Variants in ADD1 observed in about 807,000 individuals in gnomAD.
The protein encoded by ADD1 is adducin 1, also known as alpha-adducin.
ADD1 carries 24 observed loss-of-function variants against 80.5 expected under a neutral mutation model. That is an observed-to-expected ratio of 0.30 (90% CI 0.22 to 0.42). The LOEUF is 0.42. Ranked by LOEUF, ADD1 falls within the 10% of genes least tolerant of loss-of-function variation. ADD1 has a pLI of 1.00. For synonymous variants in ADD1, 373 were observed against 393.8 expected (o/e 0.95, Z 0.63); for missense variants, 948 against 1,019.0 (o/e 0.93, Z 0.95).
chr4:2,903,531 C>A (rs965149662), intron 9 of ADD1, among the ~76,000 whole-genome samples: 4 of 152,210 alleles, frequency 2.6e-5, no homozygotes, highest in African/African-American at 9.7e-5. Flanking sequence ...CTCTTCTAGA[C>A]TGGGGACAGA....
rs1736826711 is a variant in ADD1, at chr4:2,905,092, G to T, written c.1490G>T (p.Cys497Phe). The T allele has an allele frequency of 6.2e-7, 1 of 1,614,086 alleles. No homozygotes were observed. Among genetic ancestry groups the T allele is most frequent in the Admixed American group, 1.7e-5 (1 of 60,004 alleles). ...TCGTCCGGTGTCTGCGTGCCAAGCT[G>T]TATTACCAACTGCTTGGTCTGTGCC... ...SLSSGVCVPS[C>F]ITNCLWTKED... The change falls in exon 10 of 16, where the codon TGT becomes TTT. Residue 497 changes from cysteine to phenylalanine, a missense_variant. By Grantham distance (205) the Cys-to-Phe change is radical (BLOSUM62 -2). Coordinates refer to ENST00000683351, the MANE Select transcript of ADD1 (RefSeq NM_001354761.2).
Position 2,882,000 on chromosome 4 carries a change from A to C in ADD1, c.298A>C (p.Thr100Pro). Residue 100 changes from threonine to proline, a missense_variant, in exon 3 of 16, where the codon ACG (threonine) becomes CCG (proline). Physicochemically the swap from Thr to Pro is conservative, Grantham distance 38. Transcript: ENST00000683351. ...ACAGCAGATTGCAGATTTTATGACC[A>C]CGAATGTACCAAATGTCTACCCAGC... ...ALQQIADFMT[T>P]NVPNVYPAAP... 1 of 1,613,420 alleles carries C rather than the reference A, an allele frequency of 6.2e-7. No homozygotes were observed. Among genetic ancestry groups the C allele is most frequent in the Non-Finnish European group, 8.5e-7 (1 of 1,179,852 alleles).
chr4:2,909,241 CCCTGCTG>C (rs749914443), intron 12 of ADD1, 91 bp from the exon 13 acceptor site: 38 of 1,007,012 alleles, frequency 3.8e-5, no homozygotes, highest in Non-Finnish European at 5.6e-5. Flanking sequence ...TGACAGCTGT[CCCTGCTG>C]CATGCTCTTA....
intron 1 of ADD1, among the ~76,000 whole-genome samples, chr4:2,873,734 C>T (rs924925554): frequency 4.6e-5 from 7 of 152,090 alleles, no homozygotes; most frequent in South Asian, 2.1e-4. Flanking sequence ...TTTTGAAACA[C>T]GAAGCAGAAC....
At position 2,899,419 on chromosome 4, in the gene ADD1, G is replaced by A. The variant is rs978484444; in HGVS notation, c.1145G>A (p.Arg382Gln). The A allele has an allele frequency of 1.9e-6, 3 of 1,614,144 alleles. No homozygotes were observed. Among genetic ancestry groups the A allele is most frequent in the Non-Finnish European group, 1.7e-6 (2 of 1,180,030 alleles). ...GAGCAGGAATTTGAAGCCCTCATGC[G>A]GATGCTCGATAATCTGGTAAGAATG... ...IGEQEFEALMRMLDNLGYRTG... is the reference protein window; with the variant it reads ...IGEQEFEALMQMLDNLGYRTG... Residue 382 changes from arginine (R) to glutamine (Q), a missense_variant, in exon 9 of 16, where the codon CGG becomes CAG. Coordinates refer to ENST00000683351, the MANE Select transcript of ADD1 (RefSeq NM_001354761.2).
intron 1 of ADD1, among the ~76,000 whole-genome samples, chr4:2,852,178 C>CTTTCTTTCTTTCTTTCTT (rs1727237898): frequency 1.7e-5 from 1 of 58,594 alleles, no homozygotes; most frequent in African/African-American, 7.6e-5. Flanking sequence ...TTCTTTCTTT[C>CTTTCTTTCTTTCTTTCTT]TTTCTTTCTT....
At chr4:2,858,287 A>T (rs1282600929) in intron 1 of ADD1, among the ~76,000 whole-genome samples, 5 of 152,252 alleles carry the variant, frequency 3.3e-5, no homozygotes. Context: ...GATAGCTACC[A>T]CTTACTGTTT....
rs140452567 is a variant in ADD1 at position 2,912,528 on chromosome 4, G to T, written c.1792-2356G>T. Among the ~76,000 whole-genome samples, 92 of 148,112 alleles carry T rather than the reference G, an allele frequency of 6.2e-4. 1 individual carries two copies. The highest frequency in any genetic ancestry group is 1.8e-3 in the African/African-American group (71 of 39,554). On this transcript the variant is annotated intron_variant, in intron 13 of 15. Transcript: ENST00000683351. ...TCTCTGTGCCAATGGATTTTTATTT[G>T]TATTTTTATTTTTATTTTGAGACAG... is the stretch of plus-strand genomic sequence containing the variant.
intron 2 of ADD1, among the ~76,000 whole-genome samples, chr4:2,878,795 A>G (rs1322014270): frequency 6.6e-6 from 1 of 152,134 alleles, no homozygotes; most frequent in African/African-American, 2.4e-5. Context: ...ATGGTTTGGT[A>G]GAGTTGGAGA....
At chr4:2,914,839 C>A in intron 13 of ADD1, 45 bp from the exon 14 acceptor site, 1 of 1,544,450 alleles carries the variant, frequency 6.5e-7, no homozygotes, top group Non-Finnish European at 8.7e-7. Context: ...GGAGAGTCCC[C>A]ATCGGGCCGG....
At position 2,898,849 on chromosome 4, in the gene ADD1, C is replaced by T. The variant is rs1006515944; in HGVS notation, c.984+318C>T. The T allele has an allele frequency of 6.0e-5, 24 of 400,440 alleles. No individual in the cohort carries two copies. In the Admixed American group the frequency reaches 8.0e-4, roughly 13 times the overall value. The allele number at this position is 400,440 out of a possible 1,614,324, so 24.8% of individuals were successfully genotyped here. On this transcript the variant is annotated intron_variant, in intron 8 of 15. Transcript: ENST00000683351. ...CATCGCATATGTGATGTCACGTGAC[C>T]CCCACAGTACTCTTTGAAAAAGCAG...
At chr4:2,866,362 G>C (rs1159602312) in intron 1 of ADD1, among the ~76,000 whole-genome samples, 1 of 152,190 alleles carries the variant, frequency 6.6e-6, no homozygotes, top group Non-Finnish European at 1.5e-5. Context: ...TTTTAGTACA[G>C]ACGGGGTTTC....
At chr4:2,892,077 T>C (rs1734383923) in intron 4 of ADD1, among the ~76,000 whole-genome samples, 1 of 152,202 alleles carries the variant, frequency 6.6e-6, no homozygotes, top group Non-Finnish European at 1.5e-5. Flanking sequence ...TGGTCATTTC[T>C]TTCCTGAATG....
At chr4:2,851,630 A>G (rs951875495) in intron 1 of ADD1, among the ~76,000 whole-genome samples, 6 of 152,244 alleles carry the variant, frequency 3.9e-5, no homozygotes, top group African/African-American at 1.4e-4. Flanking sequence ...TAAAAGGCCA[A>G]CCTTGTTGCC....
intron 14 of ADD1, among the ~76,000 whole-genome samples, chr4:2,922,395 C>T (rs1175828285): frequency 6.6e-6 from 1 of 152,230 alleles, no homozygotes; most frequent in African/African-American, 2.4e-5. Context: ...AGACAGGCTC[C>T]TCTGCTGCAG....
At chr4:2,888,728 A>C (rs1443793568) in intron 4 of ADD1, among the ~76,000 whole-genome samples, 1 of 152,068 alleles carries the variant, frequency 6.6e-6, no homozygotes, top group Non-Finnish European at 1.5e-5. Flanking sequence ...AATAATGAAA[A>C]ATTTTAAGAG....
intron 4 of ADD1, among the ~76,000 whole-genome samples, chr4:2,885,818 G>A (rs376695038): frequency 1.1e-4 from 17 of 151,558 alleles, no homozygotes; most frequent in South Asian, 4.1e-4. Flanking sequence ...CACCGTGTTA[G>A]CCAGGATGGT....
rs1161162420 is a variant in ADD1 at position 2,915,032 on chromosome 4, G to T, written c.1940G>T (p.Gly647Val). ...AGGGAGGTGGAGAGGAAGCAGAAGG[G>T]CTCTGAAGGTGAGTGCTTGTGGTCC... ...YRREVERKQK[G>V]SEENLDEARE... Residue 647 changes from glycine (G) to valine (V), a missense_variant, in exon 14 of 16, where the codon GGC becomes GTC. By Grantham distance (109) the Gly-to-Val change is moderately radical (BLOSUM62 -3). Coordinates refer to ENST00000683351, the MANE Select transcript of ADD1 (RefSeq NM_001354761.2). The T allele has an allele frequency of 2.8e-5, 45 of 1,612,178 alleles. No individual in the cohort carries two copies. The highest frequency in any genetic ancestry group is 3.8e-5 in the Non-Finnish European group (45 of 1,179,098).
chr4:2,917,419 C>T (rs562974497), intron 14 of ADD1, among the ~76,000 whole-genome samples: 4 of 152,026 alleles, frequency 2.6e-5, no homozygotes, highest in East Asian at 1.9e-4. Context: ...CCTTGTAGAT[C>T]GTGGATATGA....
Sources: gnomAD v4.1 joint callset for allele counts (sites outside exome capture counted in the v4.1 genomes callset) on GRCh38, gnomAD v4.1.1 for gene constraint, MANE v1.5 for transcripts, NCBI Gene and HGNC (gene_info 2026-07-23, HGNC 2026-07-21) for gene names.